The following ROCK2 variants were observed in gnomAD, a reference collection of about 807,000 sequenced individuals.
ROCK2 encodes Rho associated coiled-coil containing protein kinase 2.
ROCK2 carries 61 observed loss-of-function variants against 195.1 expected under a neutral mutation model. The observed-to-expected ratio is 0.31, with a 90% CI of 0.25 to 0.39. The LOEUF is 0.39. ROCK2 is among the 10% of genes least tolerant of loss of function. The pLI is 1.00. For missense variants in ROCK2, 1,109 were observed against 1,637.4 expected, an observed-to-expected ratio of 0.68 and a Z score of 5.57; for synonymous variants, 504 against 545.5, an observed-to-expected ratio of 0.92 and a Z score of 1.06.
At chr2:11,196,106 C>G (rs545541326) in intron 27 of ROCK2, among the ~76,000 whole-genome samples, 1 of 152,062 alleles carries the variant, frequency 6.6e-6, no homozygotes. Context: ...CTAAAAAAAC[C>G]GCACAGAACA....
At chr2:11,202,949 A>G (rs1445008230) in intron 20 of ROCK2, among the ~76,000 whole-genome samples, 1 of 152,144 alleles carries the variant, frequency 6.6e-6, no homozygotes, top group African/African-American at 2.4e-5. Flanking sequence ...TGGTGATCTC[A>G]GTGGGGAGTG....
chr2:11,335,138 C>CACACACACAG (rs1278009304), intron 1 of ROCK2, among the ~76,000 whole-genome samples: 1 of 151,674 alleles, frequency 6.6e-6, no homozygotes, highest in African/African-American at 2.4e-5. Flanking sequence ...CACACACACA[C>CACACACACAG]ACACACACAC....
intron 1 of ROCK2, among the ~76,000 whole-genome samples, chr2:11,312,386 T>C (rs992235818): frequency 2.0e-5 from 3 of 152,120 alleles, no homozygotes; most frequent in Admixed American, 6.6e-5. Context: ...ATAATGAACA[T>C]AGCCATCAAC....
At chr2:11,195,248 T>C (rs1338416519) in intron 27 of ROCK2, 1 of 284,320 alleles carries the variant, frequency 3.5e-6, no homozygotes, top group East Asian at 5.7e-5. Flanking sequence ...ACAGATAGTC[T>C]ATACTTTTAT....
intron 3 of ROCK2, among the ~76,000 whole-genome samples, chr2:11,275,128 G>T (rs920801866): frequency 6.6e-6 from 1 of 151,906 alleles, no homozygotes; most frequent in Non-Finnish European, 1.5e-5. Context: ...GTGGCGGCAG[G>T]CACCTGTAAT....
Position 11,344,591 on chromosome 2 carries a change from C to A in ROCK2, c.-455G>T. On this transcript the variant is annotated 5_prime_UTR_variant, in exon 1 of 33. Transcript: ENST00000315872. This position sits in a 1 kb window ranked among gnomAD's most constrained non-coding sequence, Gnocchi z 5.4. ...GGTCGCCGCCGGCCGCCTTGCAGTC[C>A]CTCAGCCAGCTCCCGGCGCACACAC... is the stretch of plus-strand genomic sequence containing the variant. The A allele has an allele frequency of 1.7e-6, 1 of 595,828 alleles. No individual in the cohort carries two copies. Among genetic ancestry groups the A allele is most frequent in the Non-Finnish European group, 2.1e-6 (1 of 475,586 alleles). 36.9% of individuals were successfully genotyped at this position (595,828 alleles called of 1,614,324 possible).
chr2:11,305,589 C>A (rs1294848008), intron 1 of ROCK2, among the ~76,000 whole-genome samples: 1 of 152,122 alleles, frequency 6.6e-6, no homozygotes, highest in African/African-American at 2.4e-5. Context: ...TTTTAAAATA[C>A]TACTCTTCAC....
intron 11 of ROCK2, 86 bp downstream of exon 11, chr2:11,218,369 G>T: frequency 1.0e-6 from 1 of 980,076 alleles, no homozygotes; most frequent in Non-Finnish European, 1.5e-6. Context: ...TACTCCAAAT[G>T]CTAGGTAGGA....
At chr2:11,336,422 T>C (rs941761365) in intron 1 of ROCK2, among the ~76,000 whole-genome samples, 17 of 152,152 alleles carry the variant, frequency 1.1e-4, no homozygotes, top group African/African-American at 3.6e-4. Flanking sequence ...GCTAATTTTT[T>C]TATTTCTGTA....
At chr2:11,228,637 G>A (rs185456109) in intron 5 of ROCK2, among the ~76,000 whole-genome samples, 8 of 152,192 alleles carry the variant, frequency 5.3e-5, no homozygotes, top group Admixed American at 3.9e-4. Flanking sequence ...CTAGACTTCT[G>A]TTGGGGGAAA....
chr2:11,245,418 A>T (rs1007506456), intron 4 of ROCK2, among the ~76,000 whole-genome samples: 9 of 152,138 alleles, frequency 5.9e-5, no homozygotes, highest in Non-Finnish European at 1.3e-4. Flanking sequence ...GTAAAAATTT[A>T]AAATAGTTAC....
chr2:11,263,520 C>T (rs1252655834), intron 3 of ROCK2, among the ~76,000 whole-genome samples: 2 of 151,450 alleles, frequency 1.3e-5, no homozygotes, highest in African/African-American at 4.9e-5. Context: ...TACAAGTGAA[C>T]TATGTAGAAC....
chr2:11,263,081 A>C (rs2148149875), intron 3 of ROCK2, among the ~76,000 whole-genome samples: 1 of 152,306 alleles, frequency 6.6e-6, no homozygotes, highest in South Asian at 2.1e-4. Context: ...CTTAGAAATA[A>C]CCCTGTAAAC....
chr2:11,317,408 C>A (rs1450598657), intron 1 of ROCK2, among the ~76,000 whole-genome samples: 1 of 151,012 alleles, frequency 6.6e-6, no homozygotes, highest in Non-Finnish European at 1.5e-5. Flanking sequence ...TGTTACATAA[C>A]TTCTCTAAAC....
intron 5 of ROCK2, chr2:11,234,609 CA>C (rs1665138801): frequency 6.6e-6 from 1 of 151,754 alleles, no homozygotes; most frequent in Admixed American, 6.6e-5. Flanking sequence ...TCAAAAAGAC[CA>C]AAAATATATA....
chr2:11,294,951 C>G (rs993936467), intron 1 of ROCK2, among the ~76,000 whole-genome samples: 5 of 152,032 alleles, frequency 3.3e-5, no homozygotes, highest in African/African-American at 1.2e-4. Context: ...CTATGCCCGG[C>G]TACTTTTTTG....
At chr2:11,230,177 T>C (rs577741335) in intron 5 of ROCK2, among the ~76,000 whole-genome samples, 18 of 152,244 alleles carry the variant, frequency 1.2e-4, no homozygotes, top group African/African-American at 4.3e-4. Flanking sequence ...TAGCACCCAA[T>C]TATTGATTTA....
At chr2:11,328,627 A>G (rs1229558848) in intron 1 of ROCK2, among the ~76,000 whole-genome samples, 1 of 152,136 alleles carries the variant, frequency 6.6e-6, no homozygotes, top group Non-Finnish European at 1.5e-5. Flanking sequence ...TTAAAAATAC[A>G]CTTGAAACTA....
rs1392281757 is a variant in ROCK2, at chr2:11,192,786, T to G, written c.3688-74A>C. ...TTATGTAGGAACAATTCTGATAGTG[T>G]AAGTAAAATAAAATTAGCCTAAATT... On this transcript the variant is annotated intron_variant, in intron 30 of 32. Transcript: ENST00000315872. The surrounding 1 kb of genome is among the most constrained non-coding windows in gnomAD (Gnocchi z 5.0). The G allele has an allele frequency of 2.8e-6, 4 of 1,446,852 alleles. No individual in the cohort carries two copies. Among genetic ancestry groups the G allele is most frequent in the Non-Finnish European group, 2.8e-6 (3 of 1,080,686 alleles). The allele number at this position is 1,446,852 out of a possible 1,614,324, so 89.6% of individuals were successfully genotyped here.
Sources: allele counts gnomAD v4.1 joint callset (sites outside exome capture counted in the v4.1 genomes callset), GRCh38; gene constraint gnomAD v4.1.1; non-coding constraint Gnocchi (gnomAD v3.1); transcripts MANE v1.5; gene names NCBI Gene and HGNC (gene_info 2026-07-23, HGNC 2026-07-21).